NAV1: variants seen among roughly 807,000 people sequenced by gnomAD.
The protein encoded by NAV1 is pore membrane and/or filament interacting like protein 3.
NAV1 carries 18 observed loss-of-function variants against 175.2 expected under a neutral mutation model. That is an observed-to-expected ratio of 0.10 (90% confidence interval 0.07 to 0.15). The LOEUF is 0.15. Among genes scored for constraint, NAV1 ranks in the 10% least tolerant of loss-of-function variants. NAV1 has a pLI of 1.00. For missense variants in NAV1, 1,731 were observed against 2,436.6 expected, an observed-to-expected ratio of 0.71 and a Z score of 6.10; for synonymous variants, 897 against 978.7, an observed-to-expected ratio of 0.92 and a Z score of 1.56.
At chr1:201,819,395 C>T (rs894756174) in intron 29 of NAV1, among the ~76,000 whole-genome samples, 4 of 152,072 alleles carry the variant, frequency 2.6e-5, no homozygotes, top group Admixed American at 6.6e-5. Flanking sequence ...TTTTCACAAA[C>T]CACTCTAAAC....
chr1:201,567,451 C>T (rs1450447693), intron 1 of NAV1, among the ~76,000 whole-genome samples: 4 of 152,210 alleles, frequency 2.6e-5, no homozygotes, highest in African/African-American at 9.6e-5. Flanking sequence ...GGAGTCTGCA[C>T]AACACCCAGC....
chr1:201,820,088 G>T, exon 30 of NAV1: 1 of 691,658 alleles, frequency 1.4e-6, no homozygotes, highest in South Asian at 1.9e-5. Flanking sequence ...CAGGTTCTTG[G>T]TGCTGTACCT....
chr1:201,787,557 G>A lies in NAV1; in HGVS notation c.2996-911G>A, dbSNP rs1200134554. ...CATTGAAGACCAAATAAGAAGAATT[G>A]CATTTATGCTGCAGAATGAGGGGCT... is the stretch of plus-strand genomic sequence containing the variant. On this transcript the variant is annotated intron_variant, in intron 9 of 29. Coordinates refer to ENST00000367296, the Ensembl canonical transcript of NAV1. This position sits in a 1 kb window ranked among gnomAD's most constrained non-coding sequence, Gnocchi z 4.3. The A allele has an allele frequency of 7.0e-6, 3 of 425,848 alleles. No homozygotes were observed. Among genetic ancestry groups the A allele is most frequent in the East Asian group, 1.4e-4 (2 of 13,820 alleles). 26.4% of individuals were successfully genotyped at this position (425,848 alleles called of 1,614,324 possible). A position where few individuals can be genotyped will look rare whatever the true frequency, so the allele number is the denominator to read the frequency against.
intron 1 of NAV1, among the ~76,000 whole-genome samples, chr1:201,691,727 A>C (rs1470283036): frequency 6.6e-6 from 1 of 152,168 alleles, no homozygotes; most frequent in Non-Finnish European, 1.5e-5. Flanking sequence ...TGCTTAAGAA[A>C]AGTTCTGCCT....
chr1:201,614,236 T>G (rs1488127458), intron 2 of NAV1, among the ~76,000 whole-genome samples: 1 of 152,252 alleles, frequency 6.6e-6, no homozygotes, highest in African/African-American at 2.4e-5. Flanking sequence ...CTAGATGCTC[T>G]GGTTAAAATG....
At chr1:201,640,278 T>G (rs1668713937) in intron 2 of NAV1, among the ~76,000 whole-genome samples, 1 of 152,130 alleles carries the variant, frequency 6.6e-6, no homozygotes, top group Admixed American at 6.5e-5. Flanking sequence ...CAGAAATATC[T>G]CAACTACCAA....
intron 3 of NAV1, among the ~76,000 whole-genome samples, chr1:201,726,372 G>T (rs1437977257): frequency 2.0e-5 from 3 of 152,132 alleles, no homozygotes; most frequent in African/African-American, 7.2e-5. Context: ...GGTTGGGTGT[G>T]GTGGCTTATG....
At chr1:201,826,941 G>T (rs578130450) in exon 30 of NAV1, 1 of 152,196 alleles carries the variant, frequency 6.6e-6, no homozygotes, top group South Asian at 2.1e-4. Context: ...TGCCATTTGC[G>T]TTTCAATAAA....
rs192994103 is a variant in NAV1 at position 201,613,894 on chromosome 1, G to A, written c.-32-8959G>A. On this transcript the variant is annotated intron_variant, in intron 2 of 33. Coordinates refer to the NAV1 transcript ENST00000685211. Reference sequence around the variant, plus strand: ...ATAAATACTTCACTTAGTCTTTATAGCAACACTTTAAGGTAGATATTGTTA... The same window carrying A: ...ATAAATACTTCACTTAGTCTTTATAACAACACTTTAAGGTAGATATTGTTA... Among the ~76,000 whole-genome samples, 23 of 152,188 alleles carry A rather than the reference G, an allele frequency of 1.5e-4. No individual in the cohort carries two copies. In the East Asian group the frequency reaches 4.4e-3, roughly 29 times the overall value.
At chr1:201,741,530 CCT>C (rs1673423135) in intron 3 of NAV1, among the ~76,000 whole-genome samples, 2 of 152,130 alleles carry the variant, frequency 1.3e-5, no homozygotes, top group Non-Finnish European at 2.9e-5. Context: ...TTCATAACCT[CCT>C]CTCCTCCCTC....
Position 201,808,240 on chromosome 1 carries a change from C to G in NAV1, c.3845+91C>G. On this transcript the variant is annotated intron_variant, in intron 18 of 29. Transcript: ENST00000367296. This position sits in a 1 kb window ranked among gnomAD's most constrained non-coding sequence, Gnocchi z 5.5. ...AGGAGGCCATTAGACCTTAGACAAGCAGTACTTATTACTGACCTCTCCCTG... is the reference window on the plus strand; with the variant it reads ...AGGAGGCCATTAGACCTTAGACAAGGAGTACTTATTACTGACCTCTCCCTG... 2 of 1,479,156 alleles carry G rather than the reference C, an allele frequency of 1.4e-6. No homozygotes were observed. Among genetic ancestry groups the G allele is most frequent in the Non-Finnish European group, 1.9e-6 (2 of 1,075,936 alleles). 91.6% of individuals were successfully genotyped at this position (1,479,156 alleles called of 1,614,324 possible). A position where few individuals can be genotyped will look rare whatever the true frequency, so the allele number is the denominator to read the frequency against.
At chr1:201,647,956 C>T (rs1669030440), upstream of NAV1, among the ~76,000 whole-genome samples, 1 of 152,152 alleles carries the variant, frequency 6.6e-6, no homozygotes, top group Non-Finnish European at 1.5e-5. Flanking sequence ...AAGAACCCGC[C>T]CCGCTTCTAC....
At chr1:201,607,870 T>TTTTGTGTGTGTG (rs565100210) in intron 2 of NAV1, among the ~76,000 whole-genome samples, 12 of 138,276 alleles carry the variant, frequency 8.7e-5, no homozygotes, top group African/African-American at 3.0e-4. Context: ...GATAACTTTA[T>TTTTGTGTGTGTG]TGTGTGTGTG....
intron 1 of NAV1, among the ~76,000 whole-genome samples, chr1:201,674,306 T>G (rs1670158968): frequency 6.6e-6 from 1 of 151,490 alleles, no homozygotes; most frequent in Non-Finnish European, 1.5e-5. Context: ...AGAGGAAGGG[T>G]GGTGGGGGAT....
chr1:201,577,942 T>C (rs1479926661), intron 1 of NAV1, among the ~76,000 whole-genome samples: 1 of 152,242 alleles, frequency 6.6e-6, no homozygotes, highest in African/African-American at 2.4e-5. Context: ...TCTTTGTCTT[T>C]AACTCGCAGA....
intron 1 of NAV1, among the ~76,000 whole-genome samples, chr1:201,678,585 C>T (rs1413163505): frequency 1.3e-5 from 2 of 152,256 alleles, no homozygotes; most frequent in East Asian, 1.9e-4. Context: ...TAACTTCAGC[C>T]CCTTCAGCGA....
At chr1:201,656,213 A>G (rs928472428) in intron 1 of NAV1, among the ~76,000 whole-genome samples, 36 of 152,262 alleles carry the variant, frequency 2.4e-4, no homozygotes, top group Non-Finnish European at 3.8e-4. Context: ...GATACATTTC[A>G]GGGCCACTGG....
At chr1:201,659,485 T>A (rs920039296) in intron 1 of NAV1, among the ~76,000 whole-genome samples, 3 of 152,168 alleles carry the variant, frequency 2.0e-5, no homozygotes, top group African/African-American at 7.2e-5. Flanking sequence ...CTGGGCATGG[T>A]GGCTTGTGCC....
chr1:201,655,017 C>A (rs1433638104), intron 1 of NAV1, among the ~76,000 whole-genome samples: 1 of 152,186 alleles, frequency 6.6e-6, no homozygotes, highest in African/African-American at 2.4e-5. Flanking sequence ...GGGTCAGACA[C>A]CTATCTATGC....
Sources: allele counts gnomAD v4.1 joint callset (sites outside exome capture counted in the v4.1 genomes callset), GRCh38; gene constraint gnomAD v4.1.1; non-coding constraint Gnocchi (gnomAD v3.1); transcripts MANE v1.5; gene names NCBI Gene and HGNC (gene_info 2026-07-23, HGNC 2026-07-21).